The following STX5 variants were observed in gnomAD, a reference collection of about 807,000 sequenced individuals.
The protein encoded by STX5 is syntaxin-5.
In STX5, 15 loss-of-function variants were observed where a neutral mutation model predicts 42.9. The observed-to-expected ratio is 0.35, with a 90% CI of 0.23 to 0.54. The LOEUF (loss-of-function observed/expected upper bound fraction) is 0.54. STX5 is among the 20% of genes least tolerant of loss of function. The pLI, the probability that STX5 is intolerant of heterozygous loss-of-function variation, is 0.91. For synonymous variants in STX5, 184 were observed against 173.2 expected (o/e 1.06, Z -0.49); for missense variants, 430 against 455.0 (o/e 0.95, Z 0.50).
At position 62,807,474 on chromosome 11, in the gene STX5, C is replaced by T. The variant is rs1290555417; in HGVS notation, c.1063G>A (p.Ala355Thr). The change falls in exon 11 of 11, where the codon GCT becomes ACT. Residue 355 changes from alanine (A) to threonine (T), a missense_variant. By Grantham distance (58) the Ala-to-Thr change is moderately conservative. Coordinates refer to ENST00000294179, the MANE Select transcript of STX5 (RefSeq NM_003164.5). ...VFFIIFVVFL[A>T] ...TGCCTCAGAGTAGAGAGGGTTCAAG[C>T]AAGGAAGACCACAAAGATGATGAAG... 6.2e-7 allele frequency: 1 copy of T among 1,613,708 alleles called. No individual in the cohort carries two copies. Among genetic ancestry groups the T allele is most frequent in the South Asian group, 1.1e-5 (1 of 91,034 alleles).
chr11:62,809,284 T>A (rs1216116883), intron 10 of STX5, among the ~76,000 whole-genome samples: 4 of 127,872 alleles, frequency 3.1e-5, no homozygotes, highest in African/African-American at 9.2e-5. Flanking sequence ...CGAGACTCCG[T>A]CTCAAAAAAA....
intron 10 of STX5, among the ~76,000 whole-genome samples, chr11:62,815,090 C>G (rs2084658975): frequency 6.6e-6 from 1 of 151,596 alleles, no homozygotes; most frequent in Non-Finnish European, 1.5e-5. Flanking sequence ...TCACTGAAAC[C>G]TACACCTCCC....
intron 10 of STX5, among the ~76,000 whole-genome samples, chr11:62,812,226 C>T (rs576885022): frequency 2.7e-5 from 4 of 149,882 alleles, no homozygotes; most frequent in East Asian, 2.0e-4. Flanking sequence ...TACAGGCATG[C>T]GCCACCATGC....
At chr11:62,819,631 C>A (rs2084716941) in intron 10 of STX5, among the ~76,000 whole-genome samples, 1 of 151,936 alleles carries the variant, frequency 6.6e-6, no homozygotes, top group South Asian at 2.1e-4. Context: ...GATCCTCCTG[C>A]CTCAGACTTC....
At chr11:62,813,963 T>C (rs1288941095) in intron 10 of STX5, among the ~76,000 whole-genome samples, 2 of 152,202 alleles carry the variant, frequency 1.3e-5, no homozygotes, top group African/African-American at 2.4e-5. Flanking sequence ...TTATCATTTT[T>C]AAATTTATCC....
At chr11:62,830,751 T>C (rs80077262) in intron 2 of STX5, among the ~76,000 whole-genome samples, 3,800 of 152,290 alleles carry the variant, frequency 0.025, 182 homozygotes, top group African/African-American at 0.087. Context: ...ACCAATTATA[T>C]TGCAGCCAAG....
Position 62,807,270 on chromosome 11 carries a change from T to C in STX5, c.*199A>G. On this transcript the variant is annotated 3_prime_UTR_variant, in exon 11 of 11. Coordinates refer to ENST00000294179, the MANE Select transcript of STX5 (RefSeq NM_003164.5). ...CAAATCTAGAACCCTGTGTGTTTCATAGGCCTGAGGGTGGTGGGGGGAGGA... is the reference window on the plus strand; with the variant it reads ...CAAATCTAGAACCCTGTGTGTTTCACAGGCCTGAGGGTGGTGGGGGGAGGA... 2.8e-6 allele frequency: 2 copies of C among 716,206 alleles called. No individual in the cohort carries two copies. The highest frequency in any genetic ancestry group is 4.3e-6 in the Non-Finnish European group (2 of 460,858). 44.4% of individuals were successfully genotyped at this position (716,206 alleles called of 1,614,324 possible).
At chr11:62,816,722 GAAAAAAAAA>G (rs71056565) in intron 10 of STX5, among the ~76,000 whole-genome samples, 2 of 90,194 alleles carry the variant, frequency 2.2e-5, no homozygotes, top group South Asian at 3.9e-4. Flanking sequence ...CGCCTTTACT[GAAAAAAAAA>G]AAAAAAAAAA....
intron 2 of STX5, among the ~76,000 whole-genome samples, chr11:62,828,086 G>A (rs1165193949): frequency 2.0e-5 from 3 of 150,968 alleles, no homozygotes; most frequent in Non-Finnish European, 2.9e-5. Flanking sequence ...CAGAAGAGCA[G>A]CTTTACCATG....
chr11:62,829,524 G>A (rs1327082922), intron 2 of STX5, among the ~76,000 whole-genome samples: 1 of 152,110 alleles, frequency 6.6e-6, no homozygotes, highest in African/African-American at 2.4e-5. Context: ...AGCACTTTGA[G>A]AAGATAAAGC....
At chr11:62,815,819 G>GCCAC (rs2084667201) in intron 10 of STX5, 1 of 152,090 alleles carries the variant, frequency 6.6e-6, no homozygotes, top group African/African-American at 2.4e-5. Context: ...TTACAGGTGT[G>GCCAC]AGCCACCGCG....
chr11:62,831,168 G>A lies in STX5; in HGVS notation c.76C>T (p.Leu26=). 1 of 1,563,764 alleles carries A rather than the reference G, an allele frequency of 6.4e-7. No homozygotes were observed. The highest frequency in any genetic ancestry group is 8.7e-7 in the Non-Finnish European group (1 of 1,153,566). The change falls in exon 2 of 11, where the codon CTG becomes TTG. Residue 26 remains leucine (L), a synonymous_variant. Transcript: ENST00000294179. The part of the protein sequence containing the change: ...VYLGLSKTQV[L]SPATAGSSSS... ...CTACTGCCAGCAGTTGCAGGGGACA[G>A]GACCTGTGTCTTTGAGAGACCCAGG...
At chr11:62,813,337 C>T (rs973527810) in intron 10 of STX5, among the ~76,000 whole-genome samples, 10 of 152,252 alleles carry the variant, frequency 6.6e-5, no homozygotes, top group South Asian at 2.1e-4. Flanking sequence ...GCTGTACTCA[C>T]GGTACCTTAT....
chr11:62,829,957 C>T (rs569358526), intron 2 of STX5, among the ~76,000 whole-genome samples: 17 of 150,330 alleles, frequency 1.1e-4, no homozygotes, highest in African/African-American at 2.4e-4. Flanking sequence ...CCCAGCTACT[C>T]GAGAGGCTAA....
At position 62,812,070 on chromosome 11, in the gene STX5, T is replaced by C. The variant is rs1328494055; in HGVS notation, c.909-4442A>G. Among the ~76,000 whole-genome samples, 3 of 146,054 alleles carry C rather than the reference T, an allele frequency of 2.1e-5. No individual in the cohort carries two copies. The Admixed American group carries it at 2.1e-4, about 10-fold the overall frequency. ...ATATGGATTGAGGAAAGAACTCAAA[T>C]ACCTTTTTTTTTTTTTTTTTTTTTG... is the stretch of plus-strand genomic sequence containing the variant. On this transcript the variant is annotated intron_variant, in intron 10 of 10. Transcript: ENST00000294179.
chr11:62,819,963 A>G (rs1454608190), intron 10 of STX5, among the ~76,000 whole-genome samples: 2 of 150,446 alleles, frequency 1.3e-5, no homozygotes, highest in Admixed American at 6.7e-5. Context: ...TCAACCTCCC[A>G]AAGTGTTAGG....
intron 1 of STX5, 113 bp downstream of exon 1, chr11:62,831,841 C>A (rs921400687): frequency 1.1e-5 from 5 of 450,672 alleles, no homozygotes; most frequent in Admixed American, 9.5e-5. Context: ...GCCGGGCCGG[C>A]AGGACTTGCC....
In STX5 at chr11:62,825,509, G is replaced by C. The variant is rs1484480654; in HGVS notation, c.454C>G (p.Gln152Glu). 1.2e-6 allele frequency: 2 copies of C among 1,613,744 alleles called. No homozygotes were observed. Among genetic ancestry groups the C allele is most frequent in the Non-Finnish European group, 1.7e-6 (2 of 1,180,060 alleles). ...TTGGCTCTCACGAAATCCTGGAGCT[G>C]AGCAATTTGTTTGTTGAGGCTATTG... The part of the protein sequence containing the change: ...DINSLNKQIA[Q>E]LQDFVRAKGS... The change falls in exon 6 of 11, where the codon CAG (glutamine) becomes GAG (glutamate). Residue 152 changes from glutamine to glutamate, a missense_variant. By Grantham distance (29) the Gln-to-Glu change is conservative. Transcript: ENST00000294179.
intron 8 of STX5, 47 bp from the exon 9 acceptor site, chr11:62,824,612 G>T: frequency 6.3e-7 from 1 of 1,580,628 alleles, no homozygotes; most frequent in Non-Finnish European, 8.7e-7. Flanking sequence ...TTAAAAGCAG[G>T]TTCAAAGCCC....
Sources: allele counts gnomAD v4.1 joint callset (sites outside exome capture counted in the v4.1 genomes callset), GRCh38; gene constraint gnomAD v4.1.1; transcripts MANE v1.5; gene names NCBI Gene and HGNC (gene_info 2026-07-23, HGNC 2026-07-21).